STIMATE: variants seen among roughly 807,000 people sequenced by gnomAD.
The protein encoded by STIMATE is STIM activating enhancer.
A neutral mutation model predicts 36.7 loss-of-function variants in STIMATE; 15 were observed. That is an observed-to-expected ratio of 0.41 (90% CI 0.27 to 0.63). STIMATE has a LOEUF of 0.63. Among genes scored for constraint, STIMATE ranks in the 20% least tolerant of loss-of-function variants. The pLI is 0.32. For missense variants in STIMATE, 305 were observed against 397.3 expected (o/e 0.77, Z 1.98); for synonymous variants, 163 against 162.3 (o/e 1.00, Z -0.03).
At chr3:52,851,890 A>G (rs1019142287) in intron 3 of STIMATE, among the ~76,000 whole-genome samples, 1 of 152,202 alleles carries the variant, frequency 6.6e-6, no homozygotes, top group South Asian at 2.1e-4. Context: ...ATGACTCCTG[A>G]GCGGTGTGAA....
chr3:52,875,165 T>C (rs545255808), intron 1 of STIMATE, among the ~76,000 whole-genome samples: 60 of 152,370 alleles, frequency 3.9e-4, no homozygotes, highest in Non-Finnish European at 8.2e-4. Context: ...TGTGTATGTT[T>C]CTACTTTTTT....
chr3:52,896,405 G>A (rs1701865376), intron 1 of STIMATE, among the ~76,000 whole-genome samples: 1 of 151,956 alleles, frequency 6.6e-6, no homozygotes, highest in South Asian at 2.1e-4. Flanking sequence ...CTTACATGTC[G>A]AGCAAAACTT....
At chr3:52,892,825 A>G (rs1191398626) in intron 1 of STIMATE, among the ~76,000 whole-genome samples, 2 of 152,216 alleles carry the variant, frequency 1.3e-5, no homozygotes, top group Non-Finnish European at 2.9e-5. Context: ...GTGATGTCAC[A>G]TGCCTCCTGG....
Position 52,843,750 on chromosome 3 carries a change from C to T in STIMATE, c.589G>A (p.Val197Ile). 2.5e-6 allele frequency: 4 copies of T among 1,613,932 alleles called. No individual in the cohort carries two copies. Among genetic ancestry groups the T allele is most frequent in the Non-Finnish European group, 3.4e-6 (4 of 1,180,010 alleles). ...ACAAAGAAGGGGACGATCAGCATGA[C>T]GATGGCCAGCTTCAAGTCTGGGTTT... ...IENPDLKLAI[V>I]MLIVPFFVNA... The change falls in exon 6 of 8, where the codon GTC becomes ATC. Residue 197 changes from valine to isoleucine, a missense_variant. By Grantham distance (29) the Val-to-Ile change is conservative. Around this residue, in one of 3 missense-constraint regions of STIMATE, gnomAD observed 164 missense variants for 257.9 expected, o/e 0.64. Coordinates refer to ENST00000355083, the MANE Select transcript of STIMATE (RefSeq NM_198563.5).
At chr3:52,882,704 T>C (rs1045667823) in intron 1 of STIMATE, among the ~76,000 whole-genome samples, 5 of 152,168 alleles carry the variant, frequency 3.3e-5, no homozygotes, top group African/African-American at 9.7e-5. Flanking sequence ...AAAAAGGTAT[T>C]TGAAGCTAAA....
intron 1 of STIMATE, among the ~76,000 whole-genome samples, chr3:52,885,315 G>A (rs931006002): frequency 1.3e-5 from 2 of 151,946 alleles, no homozygotes; most frequent in Non-Finnish European, 2.9e-5. Flanking sequence ...TAAATACCTG[G>A]TCAGATAGTC....
chr3:52,853,544 C>T (rs1377740902), intron 2 of STIMATE, among the ~76,000 whole-genome samples: 1 of 152,144 alleles, frequency 6.6e-6, no homozygotes, highest in African/African-American at 2.4e-5. Context: ...CAGAGATTAT[C>T]CAGACCAACC....
At chr3:52,849,077 CCAG>C (rs1700954613) in intron 4 of STIMATE, among the ~76,000 whole-genome samples, 1 of 152,176 alleles carries the variant, frequency 6.6e-6, no homozygotes, top group Non-Finnish European at 1.5e-5. Flanking sequence ...GGAGGCATGA[CCAG>C]GACAGGAGAG....
Position 52,849,794 on chromosome 3 carries a change from T to C in STIMATE, c.425A>G (p.Tyr142Cys). 2 of 1,612,490 alleles carry C rather than the reference T, an allele frequency of 1.2e-6. No homozygotes were observed. Among genetic ancestry groups the C allele is most frequent in the Non-Finnish European group, 1.7e-6 (2 of 1,179,882 alleles). Residue 142 changes from tyrosine (Y) to cysteine (C), a missense_variant and splice_region_variant, in exon 4 of 8, where the codon TAT (tyrosine) becomes TGT (cysteine). Physicochemically the swap from Tyr to Cys is radical, Grantham distance 194 (BLOSUM62 -2). This residue lies in a region of STIMATE where 164 missense variants were observed against 257.9 expected (regional missense o/e 0.64). Coordinates refer to ENST00000355083, the MANE Select transcript of STIMATE (RefSeq NM_198563.5). ...QQWESLRFGE[Y>C]GDPLQCGAWV... is the part of the protein sequence containing the mutation. ...GTCCGGCATCCACAGCATATTACCATATTCGCCGAAGCGCAGGGACTCCCA... is the reference window on the plus strand; with the variant it reads ...GTCCGGCATCCACAGCATATTACCACATTCGCCGAAGCGCAGGGACTCCCA...
At chr3:52,854,478 T>C (rs1228165978) in intron 2 of STIMATE, among the ~76,000 whole-genome samples, 1 of 152,238 alleles carries the variant, frequency 6.6e-6, no homozygotes, top group East Asian at 1.9e-4. Flanking sequence ...GCTTCCGGGC[T>C]GGTGAACACA....
intron 1 of STIMATE, among the ~76,000 whole-genome samples, chr3:52,876,117 T>C (rs918346557): frequency 3.3e-5 from 5 of 152,252 alleles, no homozygotes; most frequent in South Asian, 2.1e-4. Flanking sequence ...CTGGTGGCCC[T>C]AGACACTTAA....
chr3:52,875,899 G>A (rs890713292), intron 1 of STIMATE, among the ~76,000 whole-genome samples: 1 of 152,238 alleles, frequency 6.6e-6, no homozygotes, highest in African/African-American at 2.4e-5. Flanking sequence ...AGCACTGAGA[G>A]GTACCCATGA....
chr3:52,888,000 T>TTTTTTTTTTTG, intron 1 of STIMATE, among the ~76,000 whole-genome samples: 1 of 104,808 alleles, frequency 9.5e-6, no homozygotes, highest in Non-Finnish European at 2.1e-5. Flanking sequence ...ATCAGTTTTT[T>TTTTTTTTTTTG]TTTTTTTTTT....
chr3:52,868,321 C>T (rs1164519509), intron 1 of STIMATE, among the ~76,000 whole-genome samples: 3 of 152,198 alleles, frequency 2.0e-5, no homozygotes, highest in Non-Finnish European at 4.4e-5. Context: ...GCTGGTGTGG[C>T]CATGTGACTC....
At chr3:52,862,733 C>T (rs1390884923) in intron 1 of STIMATE, among the ~76,000 whole-genome samples, 2 of 152,064 alleles carry the variant, frequency 1.3e-5, no homozygotes, top group Non-Finnish European at 2.9e-5. Flanking sequence ...TCCCACAACC[C>T]CTGATACCTG....
chr3:52,848,419 T>C (rs1488011247), intron 4 of STIMATE: 2 of 152,266 alleles, frequency 1.3e-5, no homozygotes, highest in African/African-American at 4.8e-5. Context: ...CTGGTAGCGT[T>C]AATGCTTGAT....
Position 52,843,807 on chromosome 3 carries a change from A to T in STIMATE, c.541-9T>A, listed in dbSNP as rs747106224. On this transcript the variant is annotated splice_polypyrimidine_tract_variant and intron_variant, in intron 5 of 7. Transcript: ENST00000355083. ...GGATTCAACAGGGCCACCTGTAAAG[A>T]GAAGCAGACTCAGTGAGGTAGGGAG... 2 of 1,608,890 alleles carry T rather than the reference A, an allele frequency of 1.2e-6. No homozygotes were observed. The highest frequency in any genetic ancestry group is 3.3e-5 in the Admixed American group (2 of 59,850).
Position 52,844,817 on chromosome 3 carries a change from G to A in STIMATE, c.540+12C>T, listed in dbSNP as rs746408445. 2 of 1,613,602 alleles carry A rather than the reference G, an allele frequency of 1.2e-6. No homozygotes were observed. The highest frequency in any genetic ancestry group is 4.5e-5 in the East Asian group (2 of 44,864). On this transcript the variant is annotated intron_variant, in intron 5 of 7. Coordinates refer to ENST00000355083, the MANE Select transcript of STIMATE (RefSeq NM_198563.5). Reference sequence around the variant, plus strand: ...CGTGGCAAGGAGCTGCTCATGCAGGGACGAAGCAAACCTTTTTCCACTGAA... The same window carrying A: ...CGTGGCAAGGAGCTGCTCATGCAGGAACGAAGCAAACCTTTTTCCACTGAA...
chr3:52,885,417 T>C (rs1057000621), intron 1 of STIMATE, among the ~76,000 whole-genome samples: 1 of 152,230 alleles, frequency 6.6e-6, no homozygotes, highest in Non-Finnish European at 1.5e-5. Context: ...TTGTACTCTT[T>C]TCTCTAGAGC....
Sources: gnomAD v4.1 joint callset for allele counts (sites outside exome capture counted in the v4.1 genomes callset) on GRCh38, gnomAD v4.1.1 for gene constraint, gnomAD v4.1.1 regional missense constraint, MANE v1.5 for transcripts, NCBI Gene and HGNC (gene_info 2026-07-23, HGNC 2026-07-21) for gene names.